Variants in SASH1 observed in about 807,000 individuals in gnomAD.
SASH1 encodes SAM and SH3 domain-containing protein 1.
SASH1 carries 44 observed loss-of-function variants against 125.2 expected under a neutral mutation model. The ratio of observed to expected loss-of-function variants is 0.35; its 90% CI spans 0.28 to 0.45. The LOEUF is 0.45. Among genes scored for constraint, SASH1 ranks in the 20% least tolerant of loss-of-function variants. SASH1 has a pLI of 1.00. For missense variants in SASH1, 1,426 were observed against 1,614.5 expected (o/e 0.88, Z 2.00); for synonymous variants, 639 against 649.1 (o/e 0.98, Z 0.24).
At chr6:148,464,443 C>T (rs569751402) in intron 4 of SASH1, among the ~76,000 whole-genome samples, 30 of 152,286 alleles carry the variant, frequency 2.0e-4, no homozygotes, top group African/African-American at 7.0e-4. Context: ...AAAGATGAGT[C>T]CAAAGAGCAG....
chr6:148,548,431 T>A lies in SASH1; in HGVS notation c.3617T>A (p.Leu1206Gln), dbSNP rs753643496. 6.2e-7 allele frequency: 1 copy of A among 1,614,222 alleles called. No individual in the cohort carries two copies. The highest frequency in any genetic ancestry group is 1.1e-5 in the South Asian group (1 of 91,086). ...CTCTCCACCGCGGGCTTCAGCACAC[T>A]GAGCCAAGTGCCTTCTCTGTCTCAC... ...GTLSTAGFST[L>Q]SQVPSLSHTC... Residue 1206 changes from leucine to glutamine, a missense_variant, in exon 20 of 20, where the codon CTG becomes CAG. Leu to Gln is a moderately radical substitution (Grantham distance 113). Transcript: ENST00000367467.
chr6:148,241,360 C>A, the SASH1 span, among the ~76,000 whole-genome samples: 1 of 152,164 alleles, frequency 6.6e-6, no homozygotes, highest in South Asian at 2.1e-4. Flanking sequence ...TCTAACAAGC[C>A]AAATGCCTCC....
At chr6:148,512,572 A>G in intron 8 of SASH1, 3 of 985,320 alleles carry the variant, frequency 3.0e-6, no homozygotes, top group Non-Finnish European at 3.6e-6. Flanking sequence ...CCAAGTAGAA[A>G]TGAAACTCAA....
chr6:148,303,626 G>A (rs907789550), intron 1 of SASH1, among the ~76,000 whole-genome samples: 7 of 151,546 alleles, frequency 4.6e-5, no homozygotes, highest in South Asian at 4.2e-4. Context: ...GTGAAACCCC[G>A]TCTCTACTAA....
chr6:148,324,937 G>C (rs1226523143), intron 1 of SASH1, among the ~76,000 whole-genome samples: 1 of 152,204 alleles, frequency 6.6e-6, no homozygotes, highest in East Asian at 1.9e-4. Context: ...GCTGTGGGAT[G>C]ATGGTGCTTC....
intron 1 of SASH1, among the ~76,000 whole-genome samples, chr6:148,331,145 C>A (rs1458232696): frequency 1.3e-5 from 2 of 152,162 alleles, no homozygotes; most frequent in Non-Finnish European, 2.9e-5. Context: ...TCCTCATGGG[C>A]ATCTGTATAG....
intron 2 of SASH1, among the ~76,000 whole-genome samples, chr6:148,433,618 C>A (rs1274410490): frequency 1.3e-5 from 2 of 151,846 alleles, no homozygotes; most frequent in Non-Finnish European, 2.9e-5. Context: ...GTTGGCCAGG[C>A]TGGTCTTGAA....
At chr6:148,262,339 A>G in the SASH1 span, among the ~76,000 whole-genome samples, 1 of 151,990 alleles carries the variant, frequency 6.6e-6, no homozygotes, top group Non-Finnish European at 1.5e-5. Flanking sequence ...AGGAGAACCC[A>G]TTTTTCCTCC....
chr6:148,532,778 TC>T lies in SASH1; in HGVS notation c.1565-17del, dbSNP rs1781598071. 6.2e-7 allele frequency: 1 copy of T among 1,613,370 alleles called. No homozygotes were observed. The highest frequency in any genetic ancestry group is 1.3e-5 in the African/African-American group (1 of 74,902). ...GGAAATCTGGATCTACCCGTGTTCT[TC>T]CTATGTTTCCTGTACAGGCGGTCAA... On this transcript the variant is annotated intron_variant, in intron 13 of 19. Coordinates refer to ENST00000367467, the MANE Select transcript of SASH1 (RefSeq NM_015278.5). The surrounding 1 kb of genome is among the most constrained non-coding windows in gnomAD (Gnocchi z 4.7).
the SASH1 span, among the ~76,000 whole-genome samples, chr6:148,245,848 G>A: frequency 0.039 from 5,979 of 152,002 alleles, 396 homozygotes; most frequent in African/African-American, 0.14. Flanking sequence ...AATTAGCCGG[G>A]CATGGTGGTG....
At chr6:148,259,240 G>A in the SASH1 span, among the ~76,000 whole-genome samples, 1 of 152,132 alleles carries the variant, frequency 6.6e-6, no homozygotes, top group Non-Finnish European at 1.5e-5. Flanking sequence ...AGAACCATCA[G>A]AGTTAATCCT....
intron 4 of SASH1, among the ~76,000 whole-genome samples, chr6:148,452,642 G>T (rs1197776102): frequency 6.6e-6 from 1 of 152,170 alleles, no homozygotes. Flanking sequence ...CAAGGGTGGT[G>T]CTGTGAAATG....
chr6:148,362,138 A>T (rs7769426), intron 1 of SASH1, among the ~76,000 whole-genome samples: 5 of 151,360 alleles, frequency 3.3e-5, no homozygotes, highest in African/African-American at 1.2e-4. Context: ...CGTGTTAGCC[A>T]GGATGGTCTC....
At chr6:148,458,844 C>T (rs752598990) in intron 4 of SASH1, among the ~76,000 whole-genome samples, 1 of 151,858 alleles carries the variant, frequency 6.6e-6, no homozygotes, top group Non-Finnish European at 1.5e-5. Flanking sequence ...GCATGCGACT[C>T]GAGTCCCAGC....
intron 2 of SASH1, among the ~76,000 whole-genome samples, chr6:148,424,458 C>T (rs1775718129): frequency 6.6e-6 from 1 of 152,140 alleles, no homozygotes; most frequent in African/African-American, 2.4e-5. Context: ...CTCCTGACCT[C>T]AAGTTGTCCG....
chr6:148,422,461 GACAA>G (rs1775603425), intron 2 of SASH1, among the ~76,000 whole-genome samples: 1 of 152,178 alleles, frequency 6.6e-6, no homozygotes, highest in Non-Finnish European at 1.5e-5. Context: ...ACATGACCCT[GACAA>G]ACAGCTGCTG....
upstream of SASH1, among the ~76,000 whole-genome samples, chr6:148,340,391 G>A (rs1430816196): frequency 1.3e-5 from 2 of 151,886 alleles, no homozygotes; most frequent in African/African-American, 2.4e-5. Flanking sequence ...GCTGATGCAG[G>A]AGAATCGCTT....
chr6:148,379,658 T>A (rs1783054944), intron 1 of SASH1, among the ~76,000 whole-genome samples: 1 of 152,200 alleles, frequency 6.6e-6, no homozygotes. Context: ...AAGTATTTAT[T>A]ACGTAACTGC....
chr6:148,246,367 G>T, the SASH1 span, among the ~76,000 whole-genome samples: 5 of 152,192 alleles, frequency 3.3e-5, no homozygotes, highest in African/African-American at 1.2e-4. Context: ...TTAAGGTAGT[G>T]GGGTAATGTT....
Sources: allele counts gnomAD v4.1 joint callset (sites outside exome capture counted in the v4.1 genomes callset), GRCh38; gene constraint gnomAD v4.1.1; non-coding constraint Gnocchi (gnomAD v3.1); transcripts MANE v1.5; gene names NCBI Gene and HGNC (gene_info 2026-07-23, HGNC 2026-07-21).